The following ZNF536 variants were observed in gnomAD, a reference collection of about 807,000 sequenced individuals.
The protein encoded by ZNF536 is zinc finger protein 536.
A neutral mutation model predicts 84.5 loss-of-function variants in ZNF536; 13 were observed. That is an observed-to-expected ratio of 0.15 (90% confidence interval 0.10 to 0.24). The LOEUF is 0.24. Ranked by LOEUF, ZNF536 falls within the 10% of genes least tolerant of loss-of-function variation. The probability of loss-of-function intolerance (pLI) is 1.00; values close to 1 mark genes in which losing one functional copy is unlikely to be tolerated. For synonymous variants in ZNF536, 811 were observed against 742.5 expected, an observed-to-expected ratio of 1.09 and a Z score of -1.50; for missense variants, 1,536 against 1,747.5, an observed-to-expected ratio of 0.88 and a Z score of 2.16.
chr19:30,401,047 T>A (rs2050025833), intron 1 of ZNF536, among the ~76,000 whole-genome samples: 1 of 152,214 alleles, frequency 6.6e-6, no homozygotes, highest in African/African-American at 2.4e-5. Context: ...GAGATTTAGG[T>A]CAAGGTTCTC....
downstream of ZNF536, among the ~76,000 whole-genome samples, chr19:30,560,847 C>G (rs2046137963): frequency 6.6e-6 from 1 of 152,198 alleles, no homozygotes; most frequent in African/African-American, 2.4e-5. Context: ...AAATTACATC[C>G]CCAAATCGGC....
At chr19:30,352,676 T>A (rs2047970394) in intron 3 of ZNF536, among the ~76,000 whole-genome samples, 1 of 151,886 alleles carries the variant, frequency 6.6e-6, no homozygotes. Flanking sequence ...TCTCGGTGAG[T>A]GGTGGCTGGC....
upstream of ZNF536, among the ~76,000 whole-genome samples, chr19:30,367,945 C>A (rs1230248151): frequency 2.0e-5 from 3 of 152,208 alleles, no homozygotes; most frequent in Non-Finnish European, 4.4e-5. Context: ...ACAGCATTTT[C>A]TCATACTTGT....
chr19:30,259,349 C>T (rs1472592468), intron 1 of ZNF536, among the ~76,000 whole-genome samples: 1 of 152,158 alleles, frequency 6.6e-6, no homozygotes, highest in East Asian at 1.9e-4. Flanking sequence ...ACCATCTTTC[C>T]CTTACAGAAA....
At chr19:30,516,043 GA>G (rs1239178671) in intron 2 of ZNF536, among the ~76,000 whole-genome samples, 3 of 131,486 alleles carry the variant, frequency 2.3e-5, no homozygotes, top group South Asian at 2.4e-4. Flanking sequence ...AAAAAAAAAA[GA>G]AAAAAAAGCA....
Position 30,314,859 on chromosome 19 carries a change from C to T in ZNF536, c.-120+30718C>T, listed in dbSNP as rs1471760332. Among the ~76,000 whole-genome samples the T allele has an allele frequency of 1.1e-4, 17 of 152,274 alleles. No homozygotes were observed. The East Asian group carries it at 2.5e-3, about 23-fold the overall frequency. The stretch of plus-strand genomic sequence containing the variant: ...GGAGCTATTTGTTTGCTTGTCTACA[C>T]AGGTGGTTCCTGAGCTCCTGCAGGG... On this transcript the variant is annotated intron_variant, in intron 2 of 5. Transcript: ENST00000585628.
chr19:30,469,200 G>A (rs963804389), intron 2 of ZNF536, among the ~76,000 whole-genome samples: 1 of 152,162 alleles, frequency 6.6e-6, no homozygotes. Context: ...GGATCACGAG[G>A]TCAGGAGGTC....
chr19:30,465,710 G>T (rs1306913478), intron 2 of ZNF536, among the ~76,000 whole-genome samples: 19 of 150,356 alleles, frequency 1.3e-4, no homozygotes, highest in Admixed American at 9.9e-4. Context: ...GGCCAACATG[G>T]CAAAATATCA....
In ZNF536 at chr19:30,557,368, A is replaced by G. The variant is rs2046003373; in HGVS notation, c.*204A>G. The G allele has an allele frequency of 2.1e-6, 1 of 483,584 alleles. No homozygotes were observed. The highest frequency in any genetic ancestry group is 3.7e-6 in the Non-Finnish European group (1 of 271,394). 30.0% of individuals were successfully genotyped at this position (483,584 alleles called of 1,614,324 possible). ...TATAGCAGAGAATCAGAGGCTAAAA[A>G]TATTACCCCATATGTTCCAGTATTA... On this transcript the variant is annotated 3_prime_UTR_variant, in exon 5 of 5. Coordinates refer to ENST00000355537, the MANE Select transcript of ZNF536 (RefSeq NM_014717.3).
In ZNF536 at chr19:30,309,612, G is replaced by A. The variant is rs1405675571; in HGVS notation, c.-120+25471G>A. Among the ~76,000 whole-genome samples, 7 of 152,054 alleles carry A rather than the reference G, an allele frequency of 4.6e-5. No individual in the cohort carries two copies. In the East Asian group the frequency reaches 1.3e-3, roughly 29 times the overall value. ...TTGATTAATTGATATTCTTTGTGTC[G>A]GACATCATTTGTAACACTGCTGTCC... On this transcript the variant is annotated intron_variant, in intron 2 of 5. Transcript: ENST00000585628.
chr19:30,470,987 C>CTTTTTTTTTTTT (rs35539055), intron 2 of ZNF536, among the ~76,000 whole-genome samples: 1 of 142,592 alleles, frequency 7.0e-6, no homozygotes, highest in Non-Finnish European at 1.5e-5. Context: ...TGCGCCCGGC[C>CTTTTTTTTTTTT]TTTTTTTTTT....
At chr19:30,350,500 C>A (rs997455017) in intron 2 of ZNF536, among the ~76,000 whole-genome samples, 1 of 152,080 alleles carries the variant, frequency 6.6e-6, no homozygotes, top group Non-Finnish European at 1.5e-5. Context: ...ACTGATGTTA[C>A]AATATGAGAA....
intron 1 of ZNF536, among the ~76,000 whole-genome samples, chr19:30,649,549 C>CTTTTTTTTTT (rs35137042): frequency 8.1e-6 from 1 of 123,872 alleles, no homozygotes; most frequent in African/African-American, 3.0e-5. Context: ...CAGCATTTTC[C>CTTTTTTTTTT]TTTTTTTTTT....
chr19:30,479,070 G>A (rs916774910), intron 2 of ZNF536, among the ~76,000 whole-genome samples: 17 of 152,190 alleles, frequency 1.1e-4, no homozygotes, highest in Non-Finnish European at 5.9e-5. Flanking sequence ...GCCACTCTGG[G>A]ATTGTGTATC....
Position 30,228,820 on chromosome 19 carries a change from C to A in ZNF536, c.-190+147C>A, listed in dbSNP as rs1423193584. ...GGCGGGAGGACGGCCTCCGCGGGCT[C>A]CGGGACTGCCCGGCTGGCTGCTCGC... On this transcript the variant is annotated intron_variant, in intron 1 of 5. Coordinates refer to the ZNF536 transcript ENST00000585628. The surrounding 1 kb of genome is among the most constrained non-coding windows in gnomAD (Gnocchi z 4.5). 2 of 151,178 alleles carry A rather than the reference C, an allele frequency of 1.3e-5. No individual in the cohort carries two copies. The highest frequency in any genetic ancestry group is 2.9e-5 in the Non-Finnish European group (2 of 67,800). The allele number at this position is 151,178 out of a possible 1,614,324, so 9.4% of individuals were successfully genotyped here.
At chr19:30,229,451 A>T (rs946539493) in intron 1 of ZNF536, among the ~76,000 whole-genome samples, 7 of 152,258 alleles carry the variant, frequency 4.6e-5, no homozygotes, top group African/African-American at 1.7e-4. Context: ...TACAGCGTTC[A>T]GAACCCAGGG....
At chr19:30,472,327 G>A (rs970931197) in intron 2 of ZNF536, among the ~76,000 whole-genome samples, 5 of 152,148 alleles carry the variant, frequency 3.3e-5, no homozygotes, top group East Asian at 3.8e-4. Context: ...AGAGAGTGGC[G>A]GCAGGTCGGA....
Position 30,453,618 on chromosome 19 carries a change from C to T in ZNF536, c.2170+7886C>T, listed in dbSNP as rs141876182. On this transcript the variant is annotated intron_variant, in intron 2 of 4. Coordinates refer to ENST00000355537, the MANE Select transcript of ZNF536 (RefSeq NM_014717.3). ...ACTCAGCGGCTCAGCTTGCAACAAA[C>T]AGGGCAAACTAAGCACAGAGATTTG... 1.5e-3 allele frequency among the ~76,000 whole-genome samples: 235 copies of T among 152,294 alleles called. 1 individual carries two copies. Among genetic ancestry groups the T allele is most frequent in the Middle Eastern group, 3.4e-3 (1 of 294 alleles).
At chr19:30,437,711 A>T (rs181854220) in intron 1 of ZNF536, among the ~76,000 whole-genome samples, 1 of 152,012 alleles carries the variant, frequency 6.6e-6, no homozygotes, top group African/African-American at 2.4e-5. Flanking sequence ...CTGGGGGGGA[A>T]TGTTGCCATG....
Sources: gnomAD v4.1 joint callset for allele counts (sites outside exome capture counted in the v4.1 genomes callset) on GRCh38, gnomAD v4.1.1 for gene constraint, Gnocchi (gnomAD v3.1) non-coding constraint, MANE v1.5 for transcripts, NCBI Gene and HGNC (gene_info 2026-07-23, HGNC 2026-07-21) for gene names.